Variants in KCNIP4 observed in about 807,000 individuals in gnomAD.
The protein encoded by KCNIP4 is potassium voltage-gated channel interacting protein 4, also known as Kv channel-interacting protein 4.
Under a neutral mutation model 34.0 loss-of-function variants are expected in KCNIP4, and 12 were observed. The observed-to-expected ratio is 0.35, with a 90% CI of 0.23 to 0.57. KCNIP4 has a LOEUF of 0.57. KCNIP4 is among the 20% of genes least tolerant of loss of function. The pLI is 0.83. For missense variants in KCNIP4, 238 were observed against 311.7 expected (o/e 0.76, Z 1.78); for synonymous variants, 124 against 102.2 (o/e 1.21, Z -1.29).
At position 21,587,478 on chromosome 4, in the gene KCNIP4, A is replaced by C. The variant is rs568577680; in HGVS notation, c.61+361093T>G. Among the ~76,000 whole-genome samples, 3 of 152,204 alleles carry C rather than the reference A, an allele frequency of 2.0e-5. No homozygotes were observed. The East Asian group carries it at 5.8e-4, about 29-fold the overall frequency. On this transcript the variant is annotated intron_variant, in intron 1 of 8. Transcript: ENST00000382152. ...AAAATAGAAAGACAGTCTTATCTTCAGTTGTGTTGGCAGATCCAGCTGAGT... is the reference window on the plus strand; with the variant it reads ...AAAATAGAAAGACAGTCTTATCTTCCGTTGTGTTGGCAGATCCAGCTGAGT...
At chr4:21,314,527 G>A (rs1211853241) in intron 1 of KCNIP4, among the ~76,000 whole-genome samples, 1 of 152,160 alleles carries the variant, frequency 6.6e-6, no homozygotes, top group Non-Finnish European at 1.5e-5. Flanking sequence ...TGGCATGCTA[G>A]GTGTTCTGTG....
chr4:21,728,468 T>C (rs889992301), intron 1 of KCNIP4, among the ~76,000 whole-genome samples: 1 of 152,164 alleles, frequency 6.6e-6, no homozygotes, highest in African/African-American at 2.4e-5. Context: ...TGCAGTAGCC[T>C]CTTCACTAGG....
intron 1 of KCNIP4, among the ~76,000 whole-genome samples, chr4:21,894,807 G>A (rs1277797265): frequency 6.6e-6 from 1 of 152,162 alleles, no homozygotes; most frequent in African/African-American, 2.4e-5. Context: ...ACACAAGGCA[G>A]GGATAAAATC....
chr4:21,332,090 A>C (rs1025484679), intron 1 of KCNIP4, among the ~76,000 whole-genome samples: 10 of 152,064 alleles, frequency 6.6e-5, no homozygotes, highest in African/African-American at 2.4e-4. Flanking sequence ...AGGATCTATA[A>C]AATTTTAAAA....
chr4:20,738,694 T>C (rs1282413324), intron 5 of KCNIP4, among the ~76,000 whole-genome samples: 2 of 152,210 alleles, frequency 1.3e-5, no homozygotes, highest in Non-Finnish European at 2.9e-5. Context: ...AGATGGGTGA[T>C]TTCTGCATTT....
chr4:20,956,173 A>G (rs1044322223), intron 1 of KCNIP4, among the ~76,000 whole-genome samples: 2 of 152,242 alleles, frequency 1.3e-5, no homozygotes, highest in Admixed American at 6.5e-5. Context: ...CCAGTATTCA[A>G]TTGAATTACC....
At chr4:21,206,502 T>C (rs79956852) in intron 1 of KCNIP4, among the ~76,000 whole-genome samples, 2 of 152,280 alleles carry the variant, frequency 1.3e-5, no homozygotes, top group East Asian at 3.9e-4. Flanking sequence ...GTTTTCTGGA[T>C]CTTTACTCAT....
chr4:20,882,535 G>A (rs956365447), intron 2 of KCNIP4, 73 bp downstream of exon 2: 55 of 943,000 alleles, frequency 5.8e-5, no homozygotes, highest in Admixed American at 4.7e-4. Flanking sequence ...TGTAGAGAAC[G>A]GCAATGCATG....
chr4:21,864,098 C>T (rs182969559), intron 1 of KCNIP4, among the ~76,000 whole-genome samples: 32 of 152,238 alleles, frequency 2.1e-4, no homozygotes, highest in African/African-American at 7.0e-4. Flanking sequence ...TTAATATTTC[C>T]ACATTCCCAT....
At chr4:21,075,480 T>C (rs575177223) in intron 1 of KCNIP4, among the ~76,000 whole-genome samples, 1 of 152,292 alleles carries the variant, frequency 6.6e-6, no homozygotes, top group South Asian at 2.1e-4. Flanking sequence ...TTTTTTGTTT[T>C]CCATTTGCTT....
chr4:21,828,589 A>G (rs1335220885), intron 1 of KCNIP4, among the ~76,000 whole-genome samples: 1 of 151,982 alleles, frequency 6.6e-6, no homozygotes, highest in Non-Finnish European at 1.5e-5. Flanking sequence ...AGACCATAAC[A>G]AGATTTTAAA....
rs777091293 is a variant in KCNIP4 at position 20,749,653 on chromosome 4, A to G, written c.429+9T>C. 6.3e-6 allele frequency: 10 copies of G among 1,576,992 alleles called. No homozygotes were observed. The highest frequency in any genetic ancestry group is 7.0e-6 in the Non-Finnish European group (8 of 1,149,270). On this transcript the variant is annotated intron_variant, in intron 5 of 8. Transcript: ENST00000382152. ...TAGTCAAATGATATGAAAATAATCC[A>G]GAGCTTACCTCGAAACTCACAGCTC...
At chr4:21,074,014 T>A (rs921254536) in intron 1 of KCNIP4, among the ~76,000 whole-genome samples, 1 of 152,218 alleles carries the variant, frequency 6.6e-6, no homozygotes, top group Non-Finnish European at 1.5e-5. Context: ...ATAAGCTTTT[T>A]GATGTGCTGC....
chr4:21,533,036 C>T (rs1320662337), intron 1 of KCNIP4, among the ~76,000 whole-genome samples: 1 of 149,828 alleles, frequency 6.7e-6, no homozygotes, highest in African/African-American at 2.5e-5. Context: ...ATATACTCTT[C>T]TACACCTGCC....
chr4:21,498,527 T>A lies in KCNIP4; in HGVS notation c.61+450044A>T, dbSNP rs1291731856. On this transcript the variant is annotated intron_variant, in intron 1 of 8. Coordinates refer to ENST00000382152, the MANE Select transcript of KCNIP4 (RefSeq NM_025221.6). ...TTAAATAAGCAACCCAATAAATCAA[T>A]GGATGAACAGATTGATGGATAAATA... 3.5e-5 allele frequency among the ~76,000 whole-genome samples: 5 copies of A among 141,368 alleles called. No homozygotes were observed. In the East Asian group the frequency reaches 8.0e-4, roughly 23 times the overall value. The allele number at this position is 141,368 out of a possible 152,430, so 92.7% of individuals were successfully genotyped here.
chr4:21,377,693 C>T (rs1220004684), intron 1 of KCNIP4, among the ~76,000 whole-genome samples: 1 of 152,124 alleles, frequency 6.6e-6, no homozygotes, highest in South Asian at 2.1e-4. Flanking sequence ...GAATATTATG[C>T]ACACATAATA....
At chr4:21,156,279 C>T (rs1397649351) in intron 1 of KCNIP4, among the ~76,000 whole-genome samples, 2 of 152,140 alleles carry the variant, frequency 1.3e-5, no homozygotes, top group Non-Finnish European at 2.9e-5. Flanking sequence ...CCTGTATCCA[C>T]ACCATTTTGG....
chr4:21,499,290 C>T (rs1424048033), intron 1 of KCNIP4, among the ~76,000 whole-genome samples: 27 of 145,044 alleles, frequency 1.9e-4, no homozygotes, highest in Admixed American at 1.7e-3. Flanking sequence ...AACATCATGT[C>T]ACTGCACTCC....
At chr4:21,531,929 T>C (rs1736715383) in intron 1 of KCNIP4, among the ~76,000 whole-genome samples, 1 of 152,128 alleles carries the variant, frequency 6.6e-6, no homozygotes, top group Non-Finnish European at 1.5e-5. Context: ...TCTTATGCTT[T>C]CAAGCCTTGA....
Sources: gnomAD v4.1 joint callset for allele counts (sites outside exome capture counted in the v4.1 genomes callset) on GRCh38, gnomAD v4.1.1 for gene constraint, MANE v1.5 for transcripts, NCBI Gene and HGNC (gene_info 2026-07-23, HGNC 2026-07-21) for gene names.